Variants in SLC14A2 observed in about 807,000 individuals in gnomAD.
SLC14A2 encodes the protein urea transporter 2.
A neutral mutation model predicts 104.6 loss-of-function variants in SLC14A2; 91 were observed. That is an observed-to-expected ratio of 0.87 (90% CI 0.73 to 1.04). SLC14A2 has a LOEUF of 1.04. Among genes scored for constraint, SLC14A2 ranks in the 50% least tolerant of loss-of-function variants. The pLI is 0.00. For synonymous variants in SLC14A2, 476 were observed against 466.4 expected (o/e 1.02, Z -0.27); for missense variants, 1,189 against 1,156.0 (o/e 1.03, Z -0.41).
intron 2 of SLC14A2, among the ~76,000 whole-genome samples, chr18:45,483,675 A>T (rs1347292164): frequency 1.3e-5 from 2 of 152,222 alleles, no homozygotes; most frequent in African/African-American, 2.4e-5. Flanking sequence ...AGATAAAGCC[A>T]TTAATAGCCT....
intron 2 of SLC14A2, among the ~76,000 whole-genome samples, chr18:45,545,428 T>C (rs1238325129): frequency 1.3e-5 from 2 of 152,196 alleles, no homozygotes; most frequent in Non-Finnish European, 1.5e-5. Context: ...TTTCTTTTGC[T>C]ACAGTCAAGA....
At chr18:45,644,660 A>C (rs1437486677) in intron 10 of SLC14A2, among the ~76,000 whole-genome samples, 1 of 152,154 alleles carries the variant, frequency 6.6e-6, no homozygotes, top group African/African-American at 2.4e-5. Flanking sequence ...CACTGATGGG[A>C]TTTTAAAGTC....
At chr18:45,340,842 A>G (rs998467925) in intron 1 of SLC14A2, among the ~76,000 whole-genome samples, 22 of 152,202 alleles carry the variant, frequency 1.4e-4, no homozygotes, top group African/African-American at 5.1e-4. Flanking sequence ...CTTTGGGCAA[A>G]TCACAGCATG....
chr18:45,530,782 T>C (rs982770297), intron 2 of SLC14A2, among the ~76,000 whole-genome samples: 4 of 152,082 alleles, frequency 2.6e-5, no homozygotes, highest in Non-Finnish European at 4.4e-5. Context: ...ATGTGCCATG[T>C]TGGTGTGCTG....
intron 1 of SLC14A2, among the ~76,000 whole-genome samples, chr18:45,325,903 G>C (rs2085229726): frequency 6.6e-6 from 1 of 152,184 alleles, no homozygotes; most frequent in Non-Finnish European, 1.5e-5. Flanking sequence ...ATCAGTGAGT[G>C]AGGGGTGAAG....
chr18:45,473,389 A>G (rs1249577846), intron 1 of SLC14A2, among the ~76,000 whole-genome samples: 1 of 152,252 alleles, frequency 6.6e-6, no homozygotes, highest in Non-Finnish European at 1.5e-5. Flanking sequence ...TGAAATTTAA[A>G]GTAGTTTTTT....
At chr18:45,643,895 T>C in intron 9 of SLC14A2, 91 bp from the exon 10 acceptor site, 1 of 1,130,640 alleles carries the variant, frequency 8.8e-7, no homozygotes, top group Middle Eastern at 2.0e-4. Flanking sequence ...ATCTCCATCC[T>C]CAACGCCTGT....
chr18:45,322,884 C>A (rs1457251511), intron 1 of SLC14A2, among the ~76,000 whole-genome samples: 6 of 152,120 alleles, frequency 3.9e-5, no homozygotes, highest in Non-Finnish European at 8.8e-5. Context: ...TCCAGCATAA[C>A]CTGTTATTGT....
intron 2 of SLC14A2, among the ~76,000 whole-genome samples, chr18:45,534,879 G>A (rs924827281): frequency 2.6e-5 from 4 of 152,192 alleles, no homozygotes; most frequent in Non-Finnish European, 2.9e-5. Flanking sequence ...CTGCACCACA[G>A]GGCATCTTTG....
chr18:45,600,734 C>T (rs543121680), intron 2 of SLC14A2, among the ~76,000 whole-genome samples: 39 of 152,294 alleles, frequency 2.6e-4, no homozygotes, highest in African/African-American at 8.7e-4. Context: ...GGAGGTAGGA[C>T]TGAGTGTGAG....
chr18:45,291,481 G>A (rs2084868765), intron 1 of SLC14A2, among the ~76,000 whole-genome samples: 1 of 152,062 alleles, frequency 6.6e-6, no homozygotes, highest in Admixed American at 6.5e-5. Flanking sequence ...AATTTGGGTG[G>A]TGCTACTTAT....
In SLC14A2 at chr18:45,317,615, G is replaced by T. The variant is rs143757441; in HGVS notation, c.-125+104424G>T. On this transcript the variant is annotated intron_variant, in intron 1 of 20. Coordinates refer to the SLC14A2 transcript ENST00000586448. ...GCAAAATATAAGGAGGTTGTAATAT[G>T]GGGAGGGATGATTTCCGGTCAGAGC... Among the ~76,000 whole-genome samples, 324 of 152,290 alleles carry T rather than the reference G, an allele frequency of 2.1e-3. 3 individuals are homozygous for T. The highest frequency in any genetic ancestry group is 7.5e-3 in the African/African-American group (312 of 41,558).
At chr18:45,392,546 A>C (rs141166142) in intron 1 of SLC14A2, among the ~76,000 whole-genome samples, 1,563 of 152,324 alleles carry the variant, frequency 0.01, 16 homozygotes, top group Middle Eastern at 0.031. Context: ...TATTTGCTTT[A>C]GATGTTATAT....
At chr18:45,318,850 T>C (rs1158916363) in intron 1 of SLC14A2, among the ~76,000 whole-genome samples, 2 of 151,618 alleles carry the variant, frequency 1.3e-5, no homozygotes, top group Non-Finnish European at 2.9e-5. Context: ...CCGGTCAGCA[T>C]GCTTGCTTCC....
At chr18:45,272,186 G>T (rs2084658034) in intron 1 of SLC14A2, among the ~76,000 whole-genome samples, 1 of 151,940 alleles carries the variant, frequency 6.6e-6, no homozygotes, top group Non-Finnish European at 1.5e-5. Flanking sequence ...TAGTTTGGAG[G>T]TTCCTCAAAA....
chr18:45,420,320 CAT>C (rs60528513), intron 1 of SLC14A2, among the ~76,000 whole-genome samples: 24,447 of 152,096 alleles, frequency 0.16, 2,848 homozygotes, highest in African/African-American at 0.3. Flanking sequence ...CCTTGGAAGT[CAT>C]ATACCATAAC....
chr18:45,349,215 A>G (rs1444936581), intron 1 of SLC14A2, among the ~76,000 whole-genome samples: 1 of 152,234 alleles, frequency 6.6e-6, no homozygotes, highest in Non-Finnish European at 1.5e-5. Context: ...GAAAAGCTTC[A>G]CTTGATGAAA....
At chr18:45,178,907 A>T in the SLC14A2 span, among the ~76,000 whole-genome samples, 1 of 152,192 alleles carries the variant, frequency 6.6e-6, no homozygotes, top group African/African-American at 2.4e-5. Context: ...GATCATGTAG[A>T]TGGAAGGTGT....
At chr18:45,667,692 T>A in intron 13 of SLC14A2, 141 bp from the exon 14 acceptor site, 1 of 663,708 alleles carries the variant, frequency 1.5e-6, no homozygotes, top group Non-Finnish European at 2.7e-6. Flanking sequence ...TTGTTTACCA[T>A]CTTTGGTGGC....
Sources: gnomAD v4.1 joint callset for allele counts (sites outside exome capture counted in the v4.1 genomes callset) on GRCh38, gnomAD v4.1.1 for gene constraint, MANE v1.5 for transcripts, NCBI Gene and HGNC (gene_info 2026-07-23, HGNC 2026-07-21) for gene names.